The following INVS variants were observed in gnomAD, a reference collection of about 807,000 sequenced individuals.
INVS encodes inversion of embryo turning homolog.
Under a neutral mutation model 108.8 loss-of-function variants are expected in INVS, and 86 were observed. That is an observed-to-expected ratio of 0.79 (90% CI 0.66 to 0.95). INVS has a LOEUF of 0.95. INVS is among the 40% of genes least tolerant of loss of function. The probability of loss-of-function intolerance (pLI) is 0.00; values close to 1 mark genes in which losing one functional copy is unlikely to be tolerated. For missense variants in INVS, 1,169 were observed against 1,297.4 expected, an observed-to-expected ratio of 0.90 and a Z score of 1.52; for synonymous variants, 455 against 473.5, an observed-to-expected ratio of 0.96 and a Z score of 0.51.
chr9:100,219,764 A>G (rs989759097), intron 3 of INVS, among the ~76,000 whole-genome samples: 1 of 152,188 alleles, frequency 6.6e-6, no homozygotes, highest in East Asian at 1.9e-4. Flanking sequence ...AAATGTATGA[A>G]CCCAGGCAAC....
intron 1 of INVS, among the ~76,000 whole-genome samples, chr9:100,103,199 G>A (rs1005986794): frequency 6.6e-6 from 1 of 152,036 alleles, no homozygotes; most frequent in Non-Finnish European, 1.5e-5. Flanking sequence ...TCAACCTGTT[G>A]CCCAGTCTGG....
intron 3 of INVS, among the ~76,000 whole-genome samples, chr9:100,150,967 T>G (rs1828790588): frequency 2.0e-5 from 3 of 152,154 alleles, no homozygotes; most frequent in Admixed American, 2.0e-4. Flanking sequence ...TAATTTTAAA[T>G]TAAGCAATCA....
At chr9:100,280,388 G>A (rs1181660645) in intron 12 of INVS, among the ~76,000 whole-genome samples, 2 of 152,104 alleles carry the variant, frequency 1.3e-5, no homozygotes, top group African/African-American at 4.8e-5. Flanking sequence ...TATCCTGTAA[G>A]CCTCTGAAGA....
intron 13 of INVS, among the ~76,000 whole-genome samples, chr9:100,286,646 A>G (rs943789210): frequency 6.6e-6 from 1 of 152,214 alleles, no homozygotes; most frequent in South Asian, 2.1e-4. Context: ...GCTTTGGTAC[A>G]TATTCATTCA....
chr9:100,237,053 T>G (rs1395585951), intron 5 of INVS, among the ~76,000 whole-genome samples: 1 of 152,202 alleles, frequency 6.6e-6, no homozygotes, highest in Non-Finnish European at 1.5e-5. Context: ...AGAGATGCCC[T>G]GCCCAGAGAG....
intron 3 of INVS, among the ~76,000 whole-genome samples, chr9:100,143,231 T>C (rs1588034726): frequency 6.6e-6 from 1 of 151,782 alleles, no homozygotes; most frequent in South Asian, 2.1e-4. Context: ...GATAGGAGAG[T>C]ATATGGGTTT....
At chr9:100,140,234 G>T (rs1828379198) in intron 3 of INVS, among the ~76,000 whole-genome samples, 1 of 152,152 alleles carries the variant, frequency 6.6e-6, no homozygotes, top group African/African-American at 2.4e-5. Flanking sequence ...TGAGCAACAA[G>T]GCTATTTATT....
chr9:100,251,322 T>A (rs1832228216), intron 8 of INVS, among the ~76,000 whole-genome samples: 1 of 152,216 alleles, frequency 6.6e-6, no homozygotes, highest in Non-Finnish European at 1.5e-5. Context: ...AAAGAGACAT[T>A]GTTCTAGGCC....
intron 3 of INVS, among the ~76,000 whole-genome samples, chr9:100,156,480 C>T (rs1306378689): frequency 6.6e-6 from 1 of 151,836 alleles, no homozygotes. Context: ...CCAAAGTGGT[C>T]TCTAATTCCT....
chr9:100,297,672 T>G (rs1002456368), intron 15 of INVS, among the ~76,000 whole-genome samples: 2 of 152,148 alleles, frequency 1.3e-5, no homozygotes, highest in African/African-American at 4.8e-5. Context: ...ATAGACCCAG[T>G]AGAGTTCAAG....
intron 3 of INVS, among the ~76,000 whole-genome samples, chr9:100,204,499 G>C (rs1011435313): frequency 1.3e-4 from 19 of 151,966 alleles, no homozygotes; most frequent in African/African-American, 4.3e-4. Flanking sequence ...GAGCACTCTG[G>C]GTTTTGAAAA....
At chr9:100,297,185 C>G in intron 15 of INVS, 39 bp downstream of exon 15, 1 of 1,445,038 alleles carries the variant, frequency 6.9e-7, no homozygotes, top group Non-Finnish European at 9.7e-7. Flanking sequence ...TCACAAGTAC[C>G]CCCAGAGTAC....
intron 11 of INVS, 52 bp from the exon 12 acceptor site, chr9:100,272,812 C>A: frequency 6.7e-7 from 1 of 1,495,324 alleles, no homozygotes; most frequent in South Asian, 1.1e-5. Flanking sequence ...TTAACTGTGC[C>A]TTAAATTACA....
chr9:100,218,671 AG>A (rs1831058721), intron 3 of INVS, among the ~76,000 whole-genome samples: 1 of 152,210 alleles, frequency 6.6e-6, no homozygotes, highest in Non-Finnish European at 1.5e-5. Context: ...ACTGATTGAA[AG>A]GTGGTCATAT....
intron 1 of INVS, chr9:100,101,259 A>C (rs28592024): frequency 1.1e-3 from 163 of 151,352 alleles, no homozygotes; most frequent in African/African-American, 3.8e-3. Flanking sequence ...GAATGAACGA[A>C]TGTGAACATG....
At chr9:100,249,111 G>C (rs1832140105) in intron 8 of INVS, among the ~76,000 whole-genome samples, 1 of 151,822 alleles carries the variant, frequency 6.6e-6, no homozygotes, top group Admixed American at 6.6e-5. Context: ...CAAATGAAAA[G>C]GGGGGAACCC....
intron 3 of INVS, among the ~76,000 whole-genome samples, chr9:100,148,155 C>T (rs1828685580): frequency 6.6e-6 from 1 of 151,616 alleles, no homozygotes; most frequent in South Asian, 2.1e-4. Flanking sequence ...GCCTGGACAA[C>T]AGAGTGAGAC....
At chr9:100,115,479 A>G (rs2118856174) in intron 2 of INVS, among the ~76,000 whole-genome samples, 1 of 150,836 alleles carries the variant, frequency 6.6e-6, no homozygotes, top group East Asian at 1.9e-4. Context: ...AACAGGCCCC[A>G]GTGTGTGATG....
At chr9:100,257,783 A>C (rs140289848) in intron 10 of INVS, among the ~76,000 whole-genome samples, 2,710 of 152,330 alleles carry the variant, frequency 0.018, 77 homozygotes, top group African/African-American at 0.063. Context: ...ATCTGCTGTT[A>C]GTCTGATGGG....
Sources: gnomAD v4.1 joint callset for allele counts (sites outside exome capture counted in the v4.1 genomes callset) on GRCh38, gnomAD v4.1.1 for gene constraint, MANE v1.5 for transcripts, NCBI Gene and HGNC (gene_info 2026-07-23, HGNC 2026-07-21) for gene names.